Variants in GUCA1A observed in about 807,000 individuals in gnomAD.
GUCA1A encodes guanylate cyclase activator 1A, also known as guanylyl cyclase-activating protein 1.
Under a neutral mutation model 18.5 loss-of-function variants are expected in GUCA1A, and 14 were observed. The observed-to-expected ratio is 0.76, with a 90% CI of 0.50 to 1.18. The LOEUF (loss-of-function observed/expected upper bound fraction) is 1.18. Among genes scored for constraint, GUCA1A ranks in the 50% most tolerant of loss-of-function variants. The pLI is 0.00. For missense variants in GUCA1A, 264 were observed against 262.4 expected (o/e 1.01, Z -0.04); for synonymous variants, 97 against 100.2 (o/e 0.97, Z 0.19).
At chr6:42,174,571 G>T (rs1246123742) in intron 1 of GUCA1A, among the ~76,000 whole-genome samples, 2 of 152,208 alleles carry the variant, frequency 1.3e-5, no homozygotes, top group African/African-American at 4.8e-5. Flanking sequence ...GTCACTGAAA[G>T]GTGAGTTTGG....
Position 42,178,887 on chromosome 6 carries a change from A to G in GUCA1A, c.437A>G (p.Asn146Ser). ...ACAGTGTTCTCCAAGATTGACGTCA[A>G]CGGGGATGGTGAGGGGGCCGAGGAG... is the stretch of plus-strand genomic sequence containing the variant. ...TDTVFSKIDV[N>S]GDGELSLEEF... Residue 146 changes from asparagine to serine, a missense_variant, in exon 3 of 4, where the codon AAC becomes AGC. Physicochemically the swap from Asn to Ser is conservative, Grantham distance 46 (BLOSUM62 1). Transcript: ENST00000372958. 1.2e-6 allele frequency: 2 copies of G among 1,611,802 alleles called. No homozygotes were observed. The highest frequency in any genetic ancestry group is 1.7e-6 in the Non-Finnish European group (2 of 1,177,880).
chr6:42,178,938 T>A, intron 3 of GUCA1A, 43 bp downstream of exon 3: 1 of 1,424,692 alleles, frequency 7.0e-7, no homozygotes, highest in Non-Finnish European at 9.9e-7. Context: ...GGGGTCACCA[T>A]GGATGTGGGG....
intron 1 of GUCA1A, among the ~76,000 whole-genome samples, chr6:42,174,900 C>T (rs975107218): frequency 3.0e-4 from 45 of 152,206 alleles, no homozygotes; most frequent in Non-Finnish European, 8.8e-5. Flanking sequence ...GTCCAGGCAC[C>T]ATCATGGGTG....
intron 3 of GUCA1A, 49 bp downstream of exon 3, chr6:42,178,944 T>G: frequency 7.2e-7 from 1 of 1,389,180 alleles, no homozygotes; most frequent in Non-Finnish European, 1.0e-6. Flanking sequence ...ACCATGGATG[T>G]GGGGTCACCA....
intron 1 of GUCA1A, among the ~76,000 whole-genome samples, chr6:42,175,568 T>C (rs3749919): frequency 0.27 from 40,770 of 151,746 alleles, 6,030 homozygotes; most frequent in East Asian, 0.61. Context: ...TTTCACTATG[T>C]TGGCCAGGCC....
In GUCA1A at chr6:42,178,883, G is replaced by A. The variant is rs769174329; in HGVS notation, c.433G>A (p.Val145Ile). 13 of 1,612,444 alleles carry A rather than the reference G, an allele frequency of 8.1e-6. No homozygotes were observed. In the South Asian group the frequency reaches 8.8e-5, roughly 11 times the overall value. The change falls in exon 3 of 4, where the codon GTC becomes ATC. Residue 145 changes from valine (V) to isoleucine (I), a missense_variant. Physicochemically the swap from Val to Ile is conservative, Grantham distance 29. Transcript: ENST00000372958. Reference protein sequence around the residue: ...FTDTVFSKIDVNGDGELSLEE... With the variant: ...FTDTVFSKIDINGDGELSLEE... The stretch of plus-strand genomic sequence containing the variant: ...CGATACAGTGTTCTCCAAGATTGAC[G>A]TCAACGGGGATGGTGAGGGGGCCGA...
rs927062151 is a variant in GUCA1A at position 42,179,604 on chromosome 6, G to A, written c.*201G>A. 1 of 520,088 alleles carries A rather than the reference G, an allele frequency of 1.9e-6. No individual in the cohort carries two copies. The highest frequency in any genetic ancestry group is 3.4e-6 in the Non-Finnish European group (1 of 295,840). The allele number at this position is 520,088 out of a possible 1,614,324, so 32.2% of individuals were successfully genotyped here. A position where few individuals can be genotyped will look rare whatever the true frequency, so the allele number is the denominator to read the frequency against. On this transcript the variant is annotated 3_prime_UTR_variant, in exon 4 of 4. Transcript: ENST00000372958. ...GAAGGATGGTTCCTGGCCCCTCTGA[G>A]TGACAGCTGGTGGCAGCACTCCTTG... is the stretch of plus-strand genomic sequence containing the variant.
At chr6:42,177,358 G>T (rs896571938) in intron 1 of GUCA1A, among the ~76,000 whole-genome samples, 1 of 152,094 alleles carries the variant, frequency 6.6e-6, no homozygotes, top group Admixed American at 6.6e-5. Flanking sequence ...TCCATGGAGA[G>T]CACTAAGAAA....
chr6:42,178,245 C>T (rs767926702), intron 1 of GUCA1A, 35 bp from the exon 2 acceptor site: 10 of 1,612,124 alleles, frequency 6.2e-6, no homozygotes, highest in South Asian at 1.1e-5. Flanking sequence ...GAGCGGGGCC[C>T]GGATGGGCTC....
At chr6:42,176,686 G>A (rs1582321563) in intron 1 of GUCA1A, among the ~76,000 whole-genome samples, 2 of 151,954 alleles carry the variant, frequency 1.3e-5, no homozygotes, top group East Asian at 1.9e-4. Flanking sequence ...CACCTGCCTC[G>A]GCCTCCCAAA....
At chr6:42,178,249 T>G in intron 1 of GUCA1A, 31 bp from the exon 2 acceptor site, 2 of 1,612,614 alleles carry the variant, frequency 1.2e-6, no homozygotes, top group Non-Finnish European at 1.7e-6. Flanking sequence ...GGGGCCCGGA[T>G]GGGCTCACGG....
chr6:42,174,220 C>A (rs912321346), intron 1 of GUCA1A, among the ~76,000 whole-genome samples: 1 of 152,176 alleles, frequency 6.6e-6, no homozygotes, highest in South Asian at 2.1e-4. Context: ...TGAACACCTG[C>A]GATGTGCTGG....
Position 42,173,908 on chromosome 6 carries a change from T to C in GUCA1A, c.201+94T>C, listed in dbSNP as rs149628930. 63 of 933,406 alleles carry C rather than the reference T, an allele frequency of 6.7e-5. No homozygotes were observed. The African/African-American group carries it at 9.2e-4, about 14-fold the overall frequency. The allele number at this position is 933,406 out of a possible 1,614,324, so 57.8% of individuals were successfully genotyped here. On this transcript the variant is annotated intron_variant, in intron 1 of 3. Coordinates refer to ENST00000372958, the MANE Select transcript of GUCA1A (RefSeq NM_001384910.1). ...GGGTGAGGAAGAGCAGAGAGGAGCA[T>C]AGAAGTGTCCGCTGGGGAGCAACTT...
At position 42,173,636 on chromosome 6, in the gene GUCA1A, A is replaced by G. The variant is rs779290850; in HGVS notation, c.23A>G (p.Lys8Arg). Residue 8 changes from lysine (K) to arginine (R), a missense_variant, in exon 1 of 4, where the codon AAG becomes AGG. Transcript: ENST00000372958. MGNVMEGKSVEELSSTEC... is the reference protein window; with the variant it reads MGNVMEGRSVEELSSTEC... ...GCAATGGGCAACGTGATGGAGGGAA[A>G]GTCAGTGGAGGAGCTGAGCAGCACC... The G allele has an allele frequency of 1.9e-6, 3 of 1,614,134 alleles. No homozygotes were observed. The highest frequency in any genetic ancestry group is 1.7e-6 in the Non-Finnish European group (2 of 1,179,994).
rs1768052087 is a variant in GUCA1A at position 42,179,295 on chromosome 6, C to T, written c.498C>T (p.Leu166=). 1.2e-6 allele frequency: 2 copies of T among 1,613,460 alleles called. No homozygotes were observed. The highest frequency in any genetic ancestry group is 1.7e-6 in the Non-Finnish European group (2 of 1,179,378). Residue 166 remains leucine (L), a synonymous_variant, in exon 4 of 4, where the codon CTC becomes CTT. Transcript: ENST00000372958. ...AGGGCGTCCAGAAGGACCAGATGCTCCTGGACACACTGACACGAAGCCTGG... is the reference window on the plus strand; with the variant it reads ...AGGGCGTCCAGAAGGACCAGATGCTTCTGGACACACTGACACGAAGCCTGG... ...FIEGVQKDQM[L]LDTLTRSLDL...
chr6:42,176,918 G>T (rs1399198515), intron 1 of GUCA1A, among the ~76,000 whole-genome samples: 1 of 152,072 alleles, frequency 6.6e-6, no homozygotes, highest in Admixed American at 6.6e-5. Context: ...TTTACTCTTT[G>T]GCTCTTTACA....
chr6:42,178,717 G>A, intron 2 of GUCA1A, 85 bp from the exon 3 acceptor site: 1 of 1,111,804 alleles, frequency 9.0e-7, no homozygotes, highest in Admixed American at 1.7e-5. Context: ...CTTGGGAGCC[G>A]GACAAGCTCT....
chr6:42,175,169 A>G (rs1344719479), intron 1 of GUCA1A, among the ~76,000 whole-genome samples: 1 of 152,008 alleles, frequency 6.6e-6, no homozygotes, highest in South Asian at 2.1e-4. Flanking sequence ...GGAAGGACAA[A>G]TGGATGGTTG....
intron 3 of GUCA1A, 122 bp from the exon 4 acceptor site, chr6:42,179,121 C>G: frequency 9.9e-7 from 1 of 1,015,086 alleles, no homozygotes; most frequent in Non-Finnish European, 1.6e-6. Context: ...GCACCCGCAG[C>G]AGGGGCTCTG....
Sources: allele counts gnomAD v4.1 joint callset (sites outside exome capture counted in the v4.1 genomes callset), GRCh38; gene constraint gnomAD v4.1.1; transcripts MANE v1.5; gene names NCBI Gene and HGNC (gene_info 2026-07-23, HGNC 2026-07-21).